FAM83A: variants seen among roughly 807,000 people sequenced by gnomAD.
FAM83A encodes the protein scaffolding CK1 anchoring protein A.
In FAM83A, 21 loss-of-function variants were observed where a neutral mutation model predicts 24.4. The observed-to-expected ratio is 0.86, with a 90% CI of 0.61 to 1.24. The LOEUF is 1.24. Among genes scored for constraint, FAM83A ranks in the 50% most tolerant of loss-of-function variants. The pLI is 0.00. For synonymous variants in FAM83A, 270 were observed against 252.4 expected (o/e 1.07, Z -0.66); for missense variants, 617 against 579.8 (o/e 1.06, Z -0.66).
At chr8:123,191,717 C>A in intron 1 of FAM83A, 86 bp from the exon 2 acceptor site, 1 of 1,425,866 alleles carries the variant, frequency 7.0e-7, no homozygotes, top group Non-Finnish European at 9.7e-7. Flanking sequence ...CTCTCCCAGG[C>A]CCACTGGGAC....
At chr8:123,199,050 A>G (rs1181591431) in intron 3 of FAM83A, among the ~76,000 whole-genome samples, 1 of 152,014 alleles carries the variant, frequency 6.6e-6, no homozygotes, top group Non-Finnish European at 1.5e-5. Flanking sequence ...TCTATACCCA[A>G]CTTTTAATAG....
chr8:123,194,940 T>C (rs1824098793), intron 3 of FAM83A, among the ~76,000 whole-genome samples: 1 of 152,208 alleles, frequency 6.6e-6, no homozygotes, highest in African/African-American at 2.4e-5. Flanking sequence ...TGACCACCCA[T>C]TTATTCTAAC....
rs1824678847 is a variant in FAM83A at position 123,209,828 on chromosome 8, T to TG, written c.*2141dup. 1 of 442,236 alleles carries TG rather than the reference T, an allele frequency of 2.3e-6. No homozygotes were observed. The highest frequency in any genetic ancestry group is 3.4e-5 in the Admixed American group (1 of 29,108). 27.4% of individuals were successfully genotyped at this position (442,236 alleles called of 1,614,324 possible). On this transcript the variant is annotated 3_prime_UTR_variant, in exon 4 of 4. Transcript: ENST00000690554. This position sits in a 1 kb window ranked among gnomAD's most constrained non-coding sequence, Gnocchi z 4.7. ...TCTCCTGGGCACCTGTAACATGTGATGCGCTGCCTGCTGGGAGGTTAGGTC... is the reference window on the plus strand; with the variant it reads ...TCTCCTGGGCACCTGTAACATGTGATGGCGCTGCCTGCTGGGAGGTTAGGTC...
At position 123,182,717 on chromosome 8, in the gene FAM83A, G is replaced by T. The variant is rs1338209996; in HGVS notation, c.-140G>T. On this transcript the variant is annotated 5_prime_UTR_variant, in exon 1 of 4. Coordinates refer to ENST00000690554, the Ensembl canonical transcript of FAM83A. ...CAGCGGTAAATCACTTCTTGGAGGT[G>T]CCCTGCACGCCGGTCCTGGGAGCAG... 1.6e-6 allele frequency: 2 copies of T among 1,226,086 alleles called. 1 individual carries two copies. The highest frequency in any genetic ancestry group is 4.1e-5 in the Admixed American group (2 of 48,842). 76.0% of individuals were successfully genotyped at this position (1,226,086 alleles called of 1,614,324 possible). A position where few individuals can be genotyped will look rare whatever the true frequency, so the allele number is the denominator to read the frequency against.
chr8:123,183,101 CA>C lies in FAM83A; in HGVS notation c.246del (p.Asp83ThrfsTer47), dbSNP rs1476686535. 6.2e-7 allele frequency: 1 copy of C among 1,613,832 alleles called. No homozygotes were observed. The highest frequency in any genetic ancestry group is 8.5e-7 in the Non-Finnish European group (1 of 1,179,980). Reference sequence around the variant, plus strand: ...CAGGCCAGGGAGCCCCCGTGTCCCCCAGACACCCTGGGAGGGGCGGAAGCAG... The same window carrying C: ...CAGGCCAGGGAGCCCCCGTGTCCCCCGACACCCTGGGAGGGGCGGAAGCAG... On this transcript the variant is annotated frameshift_variant, in exon 1 of 4. Transcript: ENST00000690554. LOFTEE classifies it high-confidence loss of function.
intron 3 of FAM83A, among the ~76,000 whole-genome samples, chr8:123,196,022 G>T (rs1335755574): frequency 6.6e-6 from 1 of 152,078 alleles, no homozygotes; most frequent in African/African-American, 2.4e-5. Flanking sequence ...ATTAATTTTT[G>T]TTTTTTTGAG....
chr8:123,201,639 G>A (rs775727464), intron 3 of FAM83A: 4 of 152,128 alleles, frequency 2.6e-5, no homozygotes, highest in African/African-American at 9.7e-5. Context: ...TTTTAGCCCC[G>A]CTACCTGGGG....
At chr8:123,182,213 G>A, upstream of FAM83A, 1 of 430,080 alleles carries the variant, frequency 2.3e-6, no homozygotes, top group Non-Finnish European at 4.7e-6. Context: ...TCCTTCATAG[G>A]GCAGGGAGGG....
chr8:123,194,003 C>T, intron 2 of FAM83A, 21 bp from the exon 3 acceptor site: 1 of 1,613,870 alleles, frequency 6.2e-7, no homozygotes, highest in Non-Finnish European at 8.5e-7. Context: ...GGAAGTGACA[C>T]CTTGACTTTC....
Position 123,209,731 on chromosome 8 carries a change from C to A in FAM83A, c.*2043C>A. On this transcript the variant is annotated 3_prime_UTR_variant, in exon 4 of 4. Coordinates refer to ENST00000690554, the Ensembl canonical transcript of FAM83A. This position sits in a 1 kb window ranked among gnomAD's most constrained non-coding sequence, Gnocchi z 4.7. ...AACCTGCAGGCAGGAACAAGCCCCC[C>A]TACTCCTGACCACCCTCCATCAGCA... 1 of 634,456 alleles carries A rather than the reference C, an allele frequency of 1.6e-6. No homozygotes were observed. The highest frequency in any genetic ancestry group is 2.7e-6 in the Non-Finnish European group (1 of 368,250). The allele number at this position is 634,456 out of a possible 1,614,324, so 39.3% of individuals were successfully genotyped here.
At chr8:123,190,585 C>T (rs1165217695) in intron 1 of FAM83A, among the ~76,000 whole-genome samples, 1 of 152,150 alleles carries the variant, frequency 6.6e-6, no homozygotes, top group African/African-American at 2.4e-5. Flanking sequence ...TTTTTAATGA[C>T]TGCCTAATAA....
At position 123,208,980 on chromosome 8, in the gene FAM83A, A is replaced by G. The variant is rs549343931; in HGVS notation, c.*1292A>G. The G allele has an allele frequency of 3.4e-4, 339 of 985,738 alleles. 2 individuals carry two copies. The highest frequency in any genetic ancestry group is 2.6e-3 in the South Asian group (55 of 21,298). The allele number at this position is 985,738 out of a possible 1,614,324, so 61.1% of individuals were successfully genotyped here. Reference sequence around the variant, plus strand: ...CTCCGTCACAGAAAAAAAAAAAAAAAAGAGAGAGAGCATAGAGGAGGGTTG... The same window carrying G: ...CTCCGTCACAGAAAAAAAAAAAAAAGAGAGAGAGAGCATAGAGGAGGGTTG... On this transcript the variant is annotated 3_prime_UTR_variant, in exon 4 of 4. Transcript: ENST00000690554.
chr8:123,191,465 G>A lies in FAM83A; in HGVS notation c.481-338G>A, dbSNP rs573705966. Among the ~76,000 whole-genome samples the A allele has an allele frequency of 9.9e-5, 15 of 152,232 alleles. No individual in the cohort carries two copies. The East Asian group carries it at 2.3e-3, about 23-fold the overall frequency. On this transcript the variant is annotated intron_variant, in intron 1 of 3. Transcript: ENST00000690554. ...TTAACTTTATTCCTCTTCTGGAACCGGTTGAGATGCTTCTTCTTGTTCTTC... is the reference window on the plus strand; with the variant it reads ...TTAACTTTATTCCTCTTCTGGAACCAGTTGAGATGCTTCTTCTTGTTCTTC...
chr8:123,209,349 C>T lies in FAM83A; in HGVS notation c.*1661C>T. ...CTGCTCCCAGCATGATCTGGGGCAT[C>T]TTGGCTTCTGGTTTCTTTTATTATT... On this transcript the variant is annotated 3_prime_UTR_variant, in exon 4 of 4. Coordinates refer to ENST00000690554, the Ensembl canonical transcript of FAM83A. This position sits in a 1 kb window ranked among gnomAD's most constrained non-coding sequence, Gnocchi z 4.7. 2 of 1,457,604 alleles carry T rather than the reference C, an allele frequency of 1.4e-6. No homozygotes were observed. The highest frequency in any genetic ancestry group is 3.1e-5 in the South Asian group (2 of 65,246). 90.3% of individuals were successfully genotyped at this position (1,457,604 alleles called of 1,614,324 possible).
At chr8:123,199,709 G>A (rs1296589828) in intron 3 of FAM83A, 2 of 151,966 alleles carry the variant, frequency 1.3e-5, no homozygotes, top group Non-Finnish European at 2.9e-5. Context: ...ACTCCAGCCT[G>A]GGCAACAAGA....
At chr8:123,188,045 T>TA (rs555118664) in intron 1 of FAM83A, among the ~76,000 whole-genome samples, 63 of 147,094 alleles carry the variant, frequency 4.3e-4, no homozygotes, top group South Asian at 3.0e-3. Context: ...TTATTATTAT[T>TA]TTTTTTTTTA....
At chr8:123,194,041 T>A in exon 3 of FAM83A, 1 of 1,613,672 alleles carries the variant, frequency 6.2e-7, no homozygotes, top group Non-Finnish European at 8.5e-7. Flanking sequence ...CCATCCGGAG[T>A]GTGGAAGGAG....
chr8:123,203,072 A>G (rs1824412112), intron 3 of FAM83A, among the ~76,000 whole-genome samples: 1 of 152,276 alleles, frequency 6.6e-6, no homozygotes, highest in Non-Finnish European at 1.5e-5. Context: ...GGAACTGGAA[A>G]AAATAACTCC....
chr8:123,186,625 T>C (rs1029795797), intron 1 of FAM83A, among the ~76,000 whole-genome samples: 3 of 151,574 alleles, frequency 2.0e-5, no homozygotes, highest in Admixed American at 6.6e-5. Context: ...AGGTCAGGAG[T>C]TCAAGACCAG....
Sources: allele counts gnomAD v4.1 joint callset (sites outside exome capture counted in the v4.1 genomes callset), GRCh38; gene constraint gnomAD v4.1.1; non-coding constraint Gnocchi (gnomAD v3.1); transcripts MANE v1.5; gene names NCBI Gene and HGNC (gene_info 2026-07-23, HGNC 2026-07-21).